ETV6: variants seen among roughly 807,000 people sequenced by gnomAD.
ETV6 encodes the protein transcription factor ETV6.
Under a neutral mutation model 51.1 loss-of-function variants are expected in ETV6, and 16 were observed. The ratio of observed to expected loss-of-function variants is 0.31; its 90% CI spans 0.21 to 0.48. The LOEUF is 0.48. Ranked by LOEUF, ETV6 falls within the 20% of genes least tolerant of loss-of-function variation. ETV6 has a pLI of 0.99. For synonymous variants in ETV6, 240 were observed against 224.1 expected, an observed-to-expected ratio of 1.07 and a Z score of -0.64; for missense variants, 458 against 594.8, an observed-to-expected ratio of 0.77 and a Z score of 2.39.
Position 11,728,269 on chromosome 12 carries a change from T to C in ETV6, c.34-24181T>C, listed in dbSNP as rs142896093. ...TGGATTATGCAGTGACAAGCACTTTTATACCTCCTGTAAGAACAGTTTATA... is the reference window on the plus strand; with the variant it reads ...TGGATTATGCAGTGACAAGCACTTTCATACCTCCTGTAAGAACAGTTTATA... On this transcript the variant is annotated intron_variant, in intron 1 of 7. Transcript: ENST00000396373. Among the ~76,000 whole-genome samples the C allele has an allele frequency of 4.4e-3, 677 of 152,302 alleles. 12 individuals carry two copies. Among genetic ancestry groups the C allele is most frequent in the African/African-American group, 0.016 (652 of 41,546 alleles).
intron 2 of ETV6, among the ~76,000 whole-genome samples, chr12:11,766,743 G>A (rs909606995): frequency 1.3e-5 from 2 of 151,614 alleles, no homozygotes; most frequent in African/African-American, 2.4e-5. Flanking sequence ...AGCAATGATT[G>A]AAGACGTCTT....
chr12:11,812,948 C>T (rs1262534646), intron 2 of ETV6, among the ~76,000 whole-genome samples: 2 of 152,184 alleles, frequency 1.3e-5, no homozygotes. Flanking sequence ...GTGAGGGGCT[C>T]CCTGACATTC....
At chr12:11,679,415 A>G (rs768943455) in intron 1 of ETV6, among the ~76,000 whole-genome samples, 5 of 152,236 alleles carry the variant, frequency 3.3e-5, no homozygotes, top group African/African-American at 7.2e-5. Context: ...AAATGAATCA[A>G]TGGTTGCACT....
Position 11,884,772 on chromosome 12 carries a change from A to T in ETV6, c.1152+185A>T, listed in dbSNP as rs75218950. Reference sequence around the variant, plus strand: ...GAAATAATTAAAGATGCATCTTGCCATTTGTTCCTGAGACCAGGTGCCCAT... The same window carrying T: ...GAAATAATTAAAGATGCATCTTGCCTTTTGTTCCTGAGACCAGGTGCCCAT... On this transcript the variant is annotated intron_variant, in intron 6 of 7. Coordinates refer to ENST00000396373, the MANE Select transcript of ETV6 (RefSeq NM_001987.5). Among the ~76,000 whole-genome samples the T allele has an allele frequency of 3.9e-4, 60 of 152,314 alleles. No homozygotes were observed. In the East Asian group the frequency reaches 6.4e-3, roughly 16 times the overall value.
In ETV6 at chr12:11,853,563, T is replaced by G; in HGVS notation, c.463+2T>G. Reference sequence around the variant, plus strand: ...TACTGCATCAGAACCATGAAGAAGGTACTGGAAGAGGTTTCTCTTTTCTTG... The same window carrying G: ...TACTGCATCAGAACCATGAAGAAGGGACTGGAAGAGGTTTCTCTTTTCTTG... On this transcript the variant is annotated splice_donor_variant, in intron 4 of 7. Coordinates refer to ENST00000396373, the MANE Select transcript of ETV6 (RefSeq NM_001987.5). LOFTEE classifies it high-confidence loss of function. The G allele has an allele frequency of 6.2e-7, 1 of 1,614,136 alleles. No homozygotes were observed. The highest frequency in any genetic ancestry group is 8.5e-7 in the Non-Finnish European group (1 of 1,180,000).
chr12:11,888,761 G>A (rs947315805), intron 7 of ETV6, among the ~76,000 whole-genome samples: 4 of 152,150 alleles, frequency 2.6e-5, no homozygotes, highest in Non-Finnish European at 4.4e-5. Flanking sequence ...AGAGTGCAGT[G>A]GTGTGGTCAT....
intron 1 of ETV6, among the ~76,000 whole-genome samples, chr12:11,686,624 T>C (rs1864634198): frequency 6.6e-6 from 1 of 152,058 alleles, no homozygotes; most frequent in Non-Finnish European, 1.5e-5. Flanking sequence ...GCCTCCCAGG[T>C]TCAAGTCATT....
intron 1 of ETV6, among the ~76,000 whole-genome samples, chr12:11,716,324 CCTT>C (rs1269690780): frequency 1.1e-5 from 1 of 93,876 alleles, no homozygotes; most frequent in Non-Finnish European, 2.0e-5. Context: ...GAGCAAGACT[CCTT>C]CTCAAAAAAA....
chr12:11,813,050 G>A (rs1945938159), intron 2 of ETV6, among the ~76,000 whole-genome samples: 1 of 152,214 alleles, frequency 6.6e-6, no homozygotes, highest in African/African-American at 2.4e-5. Context: ...AGTTCGCCGG[G>A]ATGTCTATGC....
At chr12:11,792,823 A>G (rs929060159) in intron 2 of ETV6, among the ~76,000 whole-genome samples, 1 of 152,244 alleles carries the variant, frequency 6.6e-6, no homozygotes, top group African/African-American at 2.4e-5. Context: ...GGAAATAAAA[A>G]GCATTAAGTT....
Position 11,693,042 on chromosome 12 carries a change from G to C in ETV6, c.33+42882G>C, listed in dbSNP as rs549406032. Among the ~76,000 whole-genome samples the C allele has an allele frequency of 4.6e-5, 7 of 152,230 alleles. No homozygotes were observed. The East Asian group carries it at 1.2e-3, about 25-fold the overall frequency. On this transcript the variant is annotated intron_variant, in intron 1 of 7. Coordinates refer to ENST00000396373, the MANE Select transcript of ETV6 (RefSeq NM_001987.5). Reference sequence around the variant, plus strand: ...GCGACAGGATGAGACCCTGTTTCAAGAATAGTAATAATAATAAATTTAAAA... The same window carrying C: ...GCGACAGGATGAGACCCTGTTTCAACAATAGTAATAATAATAAATTTAAAA...
chr12:11,786,417 GAC>G (rs1945486666), intron 2 of ETV6, among the ~76,000 whole-genome samples: 1 of 151,898 alleles, frequency 6.6e-6, no homozygotes, highest in South Asian at 2.1e-4. Flanking sequence ...CTGGAAATAG[GAC>G]ATATAATTGA....
At chr12:11,752,627 G>T (rs762007645) in intron 2 of ETV6, 48 bp downstream of exon 2, 1 of 1,543,838 alleles carries the variant, frequency 6.5e-7, no homozygotes, top group Non-Finnish European at 8.8e-7. Flanking sequence ...GGCGTGGGGC[G>T]GGGGTGGCAG....
chr12:11,888,968 C>T (rs116866725), intron 7 of ETV6, among the ~76,000 whole-genome samples: 271 of 152,096 alleles, frequency 1.8e-3, no homozygotes, highest in African/African-American at 2.4e-3. Flanking sequence ...TCCTTCTCCC[C>T]GACAACTAGA....
intron 2 of ETV6, among the ~76,000 whole-genome samples, chr12:11,812,936 C>T (rs1251987767): frequency 6.6e-6 from 1 of 152,184 alleles, no homozygotes; most frequent in East Asian, 1.9e-4. Context: ...ACCCAAGAGG[C>T]AGTGAGGGGC....
At chr12:11,890,887 A>C in intron 7 of ETV6, 54 bp from the exon 8 acceptor site, 1 of 1,367,500 alleles carries the variant, frequency 7.3e-7, no homozygotes, top group Non-Finnish European at 1.0e-6. Flanking sequence ...GTTCAGAGTG[A>C]AGACAGCTTT....
chr12:11,760,351 A>G (rs1194359809), intron 2 of ETV6, among the ~76,000 whole-genome samples: 1 of 152,208 alleles, frequency 6.6e-6, no homozygotes, highest in Non-Finnish European at 1.5e-5. Context: ...GGGTACGGAT[A>G]ATGGATAAAG....
chr12:11,655,061 G>A (rs560697286), intron 1 of ETV6, among the ~76,000 whole-genome samples: 67 of 152,288 alleles, frequency 4.4e-4, no homozygotes, highest in Non-Finnish European at 7.8e-4. Flanking sequence ...TGCACACCAG[G>A]AAAGAGCTGG....
At chr12:11,719,788 A>G (rs997370359) in intron 1 of ETV6, among the ~76,000 whole-genome samples, 1 of 152,188 alleles carries the variant, frequency 6.6e-6, no homozygotes, top group Non-Finnish European at 1.5e-5. Flanking sequence ...GAAGGCAGGG[A>G]TGAGGACTGG....
Sources: gnomAD v4.1 joint callset for allele counts (sites outside exome capture counted in the v4.1 genomes callset) on GRCh38, gnomAD v4.1.1 for gene constraint, MANE v1.5 for transcripts, NCBI Gene and HGNC (gene_info 2026-07-23, HGNC 2026-07-21) for gene names.